AGPAT5: variants seen among roughly 807,000 people sequenced by gnomAD.
The protein encoded by AGPAT5 is 1-acylglycerol-3-phosphate O-acyltransferase 5.
A neutral mutation model predicts 45.6 loss-of-function variants in AGPAT5; 46 were observed. The ratio of observed to expected loss-of-function variants is 1.01; its 90% CI spans 0.80 to 1.29. AGPAT5 has a LOEUF of 1.29. AGPAT5 is among the 50% of genes most tolerant of loss of function. The pLI, the probability that AGPAT5 is intolerant of heterozygous loss-of-function variation, is 0.00. For missense variants in AGPAT5, 673 were observed against 450.7 expected (o/e 1.49, Z -4.47); for synonymous variants, 272 against 167.0 (o/e 1.63, Z -4.85).
Position 6,747,819 on chromosome 8 carries a change from A to G in AGPAT5, c.736A>G (p.Thr246Ala), listed in dbSNP as rs772157676. The G allele has an allele frequency of 6.2e-7, 1 of 1,614,058 alleles. No individual in the cohort carries two copies. The highest frequency in any genetic ancestry group is 1.1e-5 in the South Asian group (1 of 91,076). ...TGGAGGGCAGCGAAGAGAGTCACCGACCATGACGGGTAAGTGTGTTCACGC... is the reference window on the plus strand; with the variant it reads ...TGGAGGGCAGCGAAGAGAGTCACCGGCCATGACGGGTAAGTGTGTTCACGC... ...DDGGQRRESP[T>A]MTEFLCKECP... The change falls in exon 6 of 8, where the codon ACC (threonine) becomes GCC (alanine). Residue 246 changes from threonine (T) to alanine (A), a missense_variant. Physicochemically the swap from Thr to Ala is moderately conservative, Grantham distance 58. Coordinates refer to ENST00000285518, the MANE Select transcript of AGPAT5 (RefSeq NM_018361.5).
chr8:6,721,066 A>G (rs1243224496), intron 1 of AGPAT5, among the ~76,000 whole-genome samples: 1 of 152,226 alleles, frequency 6.6e-6, no homozygotes, highest in Non-Finnish European at 1.5e-5. Context: ...TTATTGCATG[A>G]TAATTGTGTT....
chr8:6,733,801 C>T (rs1236265710), intron 4 of AGPAT5, among the ~76,000 whole-genome samples: 2 of 152,222 alleles, frequency 1.3e-5, no homozygotes, highest in African/African-American at 4.8e-5. Context: ...CAATGGATGA[C>T]TGCTGTGGAG....
intron 1 of AGPAT5, among the ~76,000 whole-genome samples, chr8:6,720,793 G>T (rs552149348): frequency 6.6e-6 from 1 of 152,234 alleles, no homozygotes; most frequent in East Asian, 1.9e-4. Context: ...ACCCCTTGTT[G>T]TTTCTTGCAG....
At chr8:6,741,293 T>G (rs1293045686) in intron 4 of AGPAT5, among the ~76,000 whole-genome samples, 1 of 152,116 alleles carries the variant, frequency 6.6e-6, no homozygotes, top group Non-Finnish European at 1.5e-5. Flanking sequence ...AATTTGTATT[T>G]CTAAAAATGA....
In AGPAT5 at chr8:6,757,339, G is replaced by C; in HGVS notation, c.1046G>C (p.Trp349Ser). 6.2e-7 allele frequency: 1 copy of C among 1,614,158 alleles called. No homozygotes were observed. Among genetic ancestry groups the C allele is most frequent in the Non-Finnish European group, 8.5e-7 (1 of 1,180,030 alleles). Residue 349 changes from tryptophan to serine, a missense_variant, in exon 8 of 8, where the codon TGG becomes TCG. Transcript: ENST00000285518. ...DAGRKLYVNT[W>S]IYGTLLGCLW... ...GGAAGGAAGCTGTATGTGAACACCT[G>C]GATATATGGAACCCTACTTGGCTGC...
At chr8:6,735,808 G>A (rs1048287091) in intron 4 of AGPAT5, among the ~76,000 whole-genome samples, 3 of 148,732 alleles carry the variant, frequency 2.0e-5, no homozygotes, top group African/African-American at 5.0e-5. Flanking sequence ...TTACAAAAAC[G>A]TCAGAAAGAA....
intron 2 of AGPAT5, among the ~76,000 whole-genome samples, chr8:6,729,879 G>C (rs185365544): frequency 6.6e-6 from 1 of 151,970 alleles, no homozygotes; most frequent in African/African-American, 2.4e-5. Flanking sequence ...ATTTTACTTG[G>C]TTACATAAGG....
In AGPAT5 at chr8:6,729,103, T is replaced by G. The variant is rs954735171; in HGVS notation, c.290-1608T>G. ...TTAAGTCATCAAGAAAAAGTTAACT[T>G]GTGAATGATAATCCCTGATTAAAAA... On this transcript the variant is annotated intron_variant, in intron 2 of 7. Transcript: ENST00000285518. 2.6e-5 allele frequency among the ~76,000 whole-genome samples: 4 copies of G among 152,198 alleles called. No homozygotes were observed. The East Asian group carries it at 5.8e-4, about 22-fold the overall frequency.
rs547688066 is a variant in AGPAT5 at position 6,760,291 on chromosome 8, G to C, written c.*2903G>C. 2.0e-5 allele frequency among the ~76,000 whole-genome samples: 3 copies of C among 152,122 alleles called. No individual in the cohort carries two copies. The highest frequency in any genetic ancestry group is 4.8e-5 in the African/African-American group (2 of 41,418). ...ACTGAGTAGTTTGTCCCAGCTACTC[G>C]GGAGGGTGAGGTGGGAGGATCGCTT... On this transcript the variant is annotated 3_prime_UTR_variant, in exon 8 of 8. Transcript: ENST00000285518.
chr8:6,732,854 C>G (rs1800913746), intron 4 of AGPAT5, among the ~76,000 whole-genome samples: 1 of 152,112 alleles, frequency 6.6e-6, no homozygotes, highest in Admixed American at 6.5e-5. Context: ...ACAACTAGGT[C>G]CTTTGCTGGT....
chr8:6,731,413 TAA>T (rs1800859118), intron 3 of AGPAT5, among the ~76,000 whole-genome samples: 1 of 152,224 alleles, frequency 6.6e-6, no homozygotes, highest in African/African-American at 2.4e-5. Flanking sequence ...TATTTGCATA[TAA>T]CCTGTGCACT....
intron 1 of AGPAT5, among the ~76,000 whole-genome samples, chr8:6,714,178 C>T (rs921091186): frequency 6.6e-5 from 10 of 152,154 alleles, no homozygotes; most frequent in African/African-American, 2.4e-4. Flanking sequence ...TACCTTGTAT[C>T]CTTAATTTTA....
intron 2 of AGPAT5, among the ~76,000 whole-genome samples, chr8:6,728,794 G>A (rs1563290284): frequency 6.6e-6 from 1 of 152,148 alleles, no homozygotes; most frequent in Non-Finnish European, 1.5e-5. Context: ...AGGTATAACA[G>A]GGTCGATTAT....
chr8:6,752,401 G>C (rs1801685645), intron 6 of AGPAT5, among the ~76,000 whole-genome samples: 1 of 151,986 alleles, frequency 6.6e-6, no homozygotes, highest in African/African-American at 2.4e-5. Flanking sequence ...TATATCTCCT[G>C]TTCTTCATAT....
chr8:6,757,419 G>A lies in AGPAT5; in HGVS notation c.*31G>A. 6.4e-7 allele frequency: 1 copy of A among 1,568,086 alleles called. No individual in the cohort carries two copies. Among genetic ancestry groups the A allele is most frequent in the Non-Finnish European group, 8.8e-7 (1 of 1,140,668 alleles). Reference sequence around the variant, plus strand: ...TAGCTGTCTCCAGACAGTGGGATGTGCTACATTGTCTATTTTTGGCGGCTG... The same window carrying A: ...TAGCTGTCTCCAGACAGTGGGATGTACTACATTGTCTATTTTTGGCGGCTG... On this transcript the variant is annotated 3_prime_UTR_variant, in exon 8 of 8. Transcript: ENST00000285518.
rs145994122 is a variant in AGPAT5, at chr8:6,710,473, G to C, written c.219+1586G>C. ...TAATTCAAAATTTTGTTTAATGTGT[G>C]TTCCTTGATGAAGTTCTTTAGGAGT... On this transcript the variant is annotated intron_variant, in intron 1 of 7. Transcript: ENST00000285518. 9.2e-5 allele frequency among the ~76,000 whole-genome samples: 14 copies of C among 152,312 alleles called. No individual in the cohort carries two copies. In the Middle Eastern group the frequency reaches 0.017, roughly 185 times the overall value.
At chr8:6,750,478 A>G (rs925652581) in intron 6 of AGPAT5, among the ~76,000 whole-genome samples, 1 of 152,242 alleles carries the variant, frequency 6.6e-6, no homozygotes, top group Non-Finnish European at 1.5e-5. Flanking sequence ...AGTCAAGGAT[A>G]AAGTATTTCT....
At chr8:6,740,456 A>G (rs550882897) in intron 4 of AGPAT5, among the ~76,000 whole-genome samples, 29 of 149,178 alleles carry the variant, frequency 1.9e-4, no homozygotes, top group African/African-American at 7.1e-4. Context: ...CTTCATTATT[A>G]AATATAATTA....
At chr8:6,715,528 C>T (rs2116855912) in intron 1 of AGPAT5, among the ~76,000 whole-genome samples, 1 of 152,270 alleles carries the variant, frequency 6.6e-6, no homozygotes, top group Middle Eastern at 3.4e-3. Flanking sequence ...TCCATCTTTA[C>T]AAAGTAGGCA....
Sources: gnomAD v4.1 joint callset for allele counts (sites outside exome capture counted in the v4.1 genomes callset) on GRCh38, gnomAD v4.1.1 for gene constraint, MANE v1.5 for transcripts, NCBI Gene and HGNC (gene_info 2026-07-23, HGNC 2026-07-21) for gene names.